The following ACOXL variants were observed in gnomAD, a reference collection of about 807,000 sequenced individuals.
ACOXL encodes the protein acyl-CoA oxidase like, also known as acyl-coenzyme A oxidase-like protein.
In ACOXL, 70 loss-of-function variants were observed where a neutral mutation model predicts 71.9. That is an observed-to-expected ratio of 0.97 (90% CI 0.80 to 1.19). The LOEUF is 1.19. Ranked by LOEUF, ACOXL falls within the 50% of genes most tolerant of loss-of-function variation. The probability of loss-of-function intolerance (pLI) is 0.00; values close to 1 mark genes in which losing one functional copy is unlikely to be tolerated. For missense variants in ACOXL, 703 were observed against 736.3 expected (o/e 0.95, Z 0.52); for synonymous variants, 253 against 281.6 (o/e 0.90, Z 1.02).
intron 14 of ACOXL, among the ~76,000 whole-genome samples, chr2:111,030,370 A>G (rs2065208387): frequency 2.0e-5 from 3 of 152,306 alleles, no homozygotes; most frequent in South Asian, 4.1e-4. Context: ...GCAGAGAGAT[A>G]TCAATTCAGG....
At chr2:111,018,882 C>T (rs550218338) in intron 14 of ACOXL, among the ~76,000 whole-genome samples, 1 of 152,230 alleles carries the variant, frequency 6.6e-6, no homozygotes, top group East Asian at 1.9e-4. Context: ...TGGATTTGCC[C>T]CAAACCCCTC....
At chr2:110,769,855 TA>T (rs544365199) in intron 2 of ACOXL, among the ~76,000 whole-genome samples, 2 of 147,746 alleles carry the variant, frequency 1.4e-5, no homozygotes, top group South Asian at 2.1e-4. Flanking sequence ...TAAAATAAAA[TA>T]AAAAACCCCA....
intron 1 of ACOXL, among the ~76,000 whole-genome samples, chr2:110,748,117 A>T (rs1323317821): frequency 1.3e-5 from 2 of 151,240 alleles, no homozygotes; most frequent in Non-Finnish European, 2.9e-5. Flanking sequence ...AATGTGAAAA[A>T]TTTCTCTCCC....
At chr2:110,971,898 A>G (rs2062206617) in intron 12 of ACOXL, among the ~76,000 whole-genome samples, 1 of 152,184 alleles carries the variant, frequency 6.6e-6, no homozygotes, top group Non-Finnish European at 1.5e-5. Flanking sequence ...AGGTTTTTTG[A>G]CAACTTTCTC....
At chr2:110,832,326 C>T (rs1689930543) in intron 9 of ACOXL, among the ~76,000 whole-genome samples, 1 of 152,050 alleles carries the variant, frequency 6.6e-6, no homozygotes, top group Admixed American at 6.5e-5. Flanking sequence ...ATCATGAGGT[C>T]AGGAGATCGA....
chr2:111,004,086 A>C (rs2063764907), intron 14 of ACOXL, among the ~76,000 whole-genome samples: 1 of 152,206 alleles, frequency 6.6e-6, no homozygotes, highest in Non-Finnish European at 1.5e-5. Flanking sequence ...CAATTTGAAC[A>C]TCTGACCCAA....
Position 110,759,633 on chromosome 2 carries a change from A to G in ACOXL, c.-22-8735A>G, listed in dbSNP as rs559191647. On this transcript the variant is annotated intron_variant, in intron 1 of 17. Coordinates refer to ENST00000439055, the MANE Select transcript of ACOXL (RefSeq NM_001142807.4). The stretch of plus-strand genomic sequence containing the variant: ...TCTTGGCGCTTTATCCAGCTTGGCA[A>G]TCTTTTCACCCATTTTATTGTCTGC... Among the ~76,000 whole-genome samples, 19 of 152,236 alleles carry G rather than the reference A, an allele frequency of 1.2e-4. No individual in the cohort carries two copies. The South Asian group carries it at 3.7e-3, about 30-fold the overall frequency.
chr2:110,999,741 C>T (rs1420297152), intron 14 of ACOXL, among the ~76,000 whole-genome samples: 3 of 152,186 alleles, frequency 2.0e-5, no homozygotes, highest in African/African-American at 7.2e-5. Context: ...TATGGGAAGG[C>T]CCAGGTGTCA....
rs115597408 is a variant in ACOXL, at chr2:110,813,473, C to T, written c.753+8078C>T. ...GCCAGCTCATCTACTACCGGGAGAACGATGCCCAGGCTGCAGCTGTGAGGA... is the reference window on the plus strand; with the variant it reads ...GCCAGCTCATCTACTACCGGGAGAATGATGCCCAGGCTGCAGCTGTGAGGA... On this transcript the variant is annotated intron_variant, in intron 9 of 17. Transcript: ENST00000439055. 5.5e-3 allele frequency among the ~76,000 whole-genome samples: 832 copies of T among 152,228 alleles called. 9 individuals carry two copies. Among genetic ancestry groups the T allele is most frequent in the Non-Finnish European group, 0.01 (702 of 68,000 alleles).
intron 17 of ACOXL, among the ~76,000 whole-genome samples, chr2:111,107,237 C>A (rs2069604967): frequency 6.6e-6 from 1 of 152,094 alleles, no homozygotes; most frequent in South Asian, 2.1e-4. Flanking sequence ...TTTTTTAGCT[C>A]CAGTGTGGGA....
Position 110,926,900 on chromosome 2 carries a change from A to C in ACOXL, c.906-6589A>C, listed in dbSNP as rs779948140. Among the ~76,000 whole-genome samples the C allele has an allele frequency of 4.6e-5, 7 of 152,244 alleles. No individual in the cohort carries two copies. In the East Asian group the frequency reaches 1.4e-3, roughly 29 times the overall value. On this transcript the variant is annotated intron_variant, in intron 11 of 17. Coordinates refer to ENST00000439055, the MANE Select transcript of ACOXL (RefSeq NM_001142807.4). ...TACCTGAAATGAAATCTAAATTCCT[A>C]CTTGCCAGCTGCCTCCCTCCTGGGG...
At chr2:110,806,448 TGTG>T (rs1686654058) in intron 9 of ACOXL, among the ~76,000 whole-genome samples, 1 of 152,180 alleles carries the variant, frequency 6.6e-6, no homozygotes, top group Admixed American at 6.5e-5. Flanking sequence ...CAGAAAGCCT[TGTG>T]GTGAAGGCAC....
At chr2:110,841,340 T>A in intron 9 of ACOXL, 31 bp from the exon 10 acceptor site, 1 of 1,564,380 alleles carries the variant, frequency 6.4e-7, no homozygotes, top group South Asian at 1.1e-5. Context: ...TTGATATTAC[T>A]TAATTTGTTT....
At chr2:110,979,629 G>A (rs2062614751) in intron 12 of ACOXL, among the ~76,000 whole-genome samples, 1 of 152,132 alleles carries the variant, frequency 6.6e-6, no homozygotes, top group South Asian at 2.1e-4. Flanking sequence ...GAGCACAGGG[G>A]GTGCGGGGCA....
chr2:111,001,576 C>T (rs1258733115), intron 14 of ACOXL, among the ~76,000 whole-genome samples: 1 of 152,170 alleles, frequency 6.6e-6, no homozygotes, highest in East Asian at 1.9e-4. Context: ...AACATTTGCT[C>T]AACTGGATGT....
chr2:110,856,184 C>T (rs1647390488), intron 10 of ACOXL, among the ~76,000 whole-genome samples: 1 of 152,152 alleles, frequency 6.6e-6, no homozygotes, highest in Non-Finnish European at 1.5e-5. Flanking sequence ...TTTTACAATC[C>T]TCTCCTAAGA....
At chr2:110,916,590 A>G (rs1410510297) in intron 11 of ACOXL, among the ~76,000 whole-genome samples, 1 of 152,208 alleles carries the variant, frequency 6.6e-6, no homozygotes, top group African/African-American at 2.4e-5. Context: ...TACAGACACG[A>G]AAAGCCTTTA....
intron 12 of ACOXL, among the ~76,000 whole-genome samples, chr2:110,981,434 C>G (rs1020792368): frequency 6.6e-6 from 1 of 152,194 alleles, no homozygotes; most frequent in African/African-American, 2.4e-5. Flanking sequence ...CTGAACCTCT[C>G]TAGGCCTTGG....
chr2:110,868,522 C>CT (rs548247051), intron 10 of ACOXL, among the ~76,000 whole-genome samples: 1 of 152,218 alleles, frequency 6.6e-6, no homozygotes, highest in Non-Finnish European at 1.5e-5. Flanking sequence ...CTGGCCTGGT[C>CT]TTTGTTTTCC....
Sources: gnomAD v4.1 joint callset for allele counts (sites outside exome capture counted in the v4.1 genomes callset) on GRCh38, gnomAD v4.1.1 for gene constraint, MANE v1.5 for transcripts, NCBI Gene and HGNC (gene_info 2026-07-23, HGNC 2026-07-21) for gene names.